FHIT: variants seen among roughly 807,000 people sequenced by gnomAD.
The protein encoded by FHIT is fragile histidine triad diadenosine triphosphatase, also known as bis(5'-adenosyl)-triphosphatase.
In FHIT, 19 loss-of-function variants were observed where a neutral mutation model predicts 17.9. That is an observed-to-expected ratio of 1.06 (90% CI 0.74 to 1.56). FHIT has a LOEUF of 1.56. Ranked by LOEUF, FHIT falls within the 40% of genes most tolerant of loss-of-function variation. FHIT has a pLI of 0.00. For missense variants in FHIT, 248 were observed against 189.2 expected (o/e 1.31, Z -1.82); for synonymous variants, 81 against 69.7 (o/e 1.16, Z -0.81).
Position 60,346,620 on chromosome 3 carries a change from A to G in FHIT, c.103+190240T>C, listed in dbSNP as rs180851584. Among the ~76,000 whole-genome samples the G allele has an allele frequency of 4.1e-3, 624 of 152,268 alleles. 5 individuals are homozygous for G. The highest frequency in any genetic ancestry group is 5.9e-3 in the Non-Finnish European group (398 of 68,030). The stretch of plus-strand genomic sequence containing the variant: ...TTTTCCTTTTCGCCAAATAAATTCC[A>G]TTCCCCTCATCCTTCAAACTGTCTC... On this transcript the variant is annotated intron_variant, in intron 5 of 9. Transcript: ENST00000492590.
intron 5 of FHIT, among the ~76,000 whole-genome samples, chr3:60,348,252 G>A (rs1461517534): frequency 6.6e-6 from 1 of 152,130 alleles, no homozygotes; most frequent in Non-Finnish European, 1.5e-5. Flanking sequence ...GCAAAGGAGA[G>A]TTTTTAGATT....
At chr3:60,590,963 G>A (rs888227279) in intron 4 of FHIT, among the ~76,000 whole-genome samples, 2 of 152,008 alleles carry the variant, frequency 1.3e-5, no homozygotes, top group Non-Finnish European at 2.9e-5. Context: ...GGGGAAAAAT[G>A]GACAGAATTA....
chr3:60,808,626 G>A (rs1468438203), intron 4 of FHIT, among the ~76,000 whole-genome samples: 4 of 152,328 alleles, frequency 2.6e-5, no homozygotes, highest in African/African-American at 2.4e-5. Context: ...GAGCAGAGGA[G>A]GTTTCCTTTA....
At chr3:60,580,445 C>CTT (rs1559555733) in intron 4 of FHIT, among the ~76,000 whole-genome samples, 1 of 152,088 alleles carries the variant, frequency 6.6e-6, no homozygotes, top group African/African-American at 2.4e-5. Flanking sequence ...TACTACTAGA[C>CTT]TTTGAGTTTT....
At chr3:60,120,856 C>T (rs34593763) in intron 5 of FHIT, among the ~76,000 whole-genome samples, 39,186 of 140,958 alleles carry the variant, frequency 0.28, 5,755 homozygotes, top group Non-Finnish European at 0.34. Context: ...TTTTTTTTTT[C>T]CACCATTTGC....
chr3:60,719,739 C>T (rs1274171406), intron 4 of FHIT, among the ~76,000 whole-genome samples: 1 of 152,174 alleles, frequency 6.6e-6, no homozygotes, highest in East Asian at 1.9e-4. Context: ...CTTTGACCAG[C>T]TCCTCTGCAA....
intron 5 of FHIT, among the ~76,000 whole-genome samples, chr3:60,462,432 C>A (rs1359515490): frequency 6.6e-6 from 1 of 152,132 alleles, no homozygotes; most frequent in Non-Finnish European, 1.5e-5. Context: ...ACTGTAAGAA[C>A]CCAAATGTCA....
intron 5 of FHIT, among the ~76,000 whole-genome samples, chr3:60,467,513 C>T (rs577290129): frequency 2.0e-5 from 3 of 151,846 alleles, no homozygotes; most frequent in Non-Finnish European, 4.4e-5. Context: ...GGTTTTGATA[C>T]ATTGCGTTTC....
intron 7 of FHIT, among the ~76,000 whole-genome samples, chr3:59,987,382 G>C (rs1709033787): frequency 6.6e-6 from 1 of 151,584 alleles, no homozygotes; most frequent in South Asian, 2.1e-4. Context: ...GTGTCTCATG[G>C]GACAAAAGCA....
intron 3 of FHIT, among the ~76,000 whole-genome samples, chr3:60,867,241 C>A (rs1291297464): frequency 6.6e-6 from 1 of 152,184 alleles, no homozygotes; most frequent in African/African-American, 2.4e-5. Context: ...ATTTGTTACA[C>A]ACTAACTGAA....
chr3:60,031,394 T>A (rs1559564382), intron 5 of FHIT, among the ~76,000 whole-genome samples: 1 of 152,190 alleles, frequency 6.6e-6, no homozygotes, highest in Non-Finnish European at 1.5e-5. Flanking sequence ...AGGCAGTCAT[T>A]CTAGGAAGGA....
chr3:60,583,422 C>A (rs1237481145), intron 4 of FHIT, among the ~76,000 whole-genome samples: 4 of 151,942 alleles, frequency 2.6e-5, no homozygotes, highest in African/African-American at 9.7e-5. Flanking sequence ...GCCCCACGGT[C>A]TTGGCTGCAA....
At chr3:60,735,227 G>GA (rs1310253521) in intron 4 of FHIT, among the ~76,000 whole-genome samples, 8 of 152,278 alleles carry the variant, frequency 5.3e-5, no homozygotes, top group Middle Eastern at 3.4e-3. Flanking sequence ...AAGGCCCAAG[G>GA]AAAAAACTGC....
chr3:60,896,716 G>A (rs1335193444), intron 3 of FHIT, among the ~76,000 whole-genome samples: 1 of 152,126 alleles, frequency 6.6e-6, no homozygotes, highest in East Asian at 1.9e-4. Flanking sequence ...ACTTGAATCA[G>A]TATTTTTTTC....
Position 61,102,088 on chromosome 3 carries a change from T to C in FHIT, c.-163-59989A>G, listed in dbSNP as rs577244622. 2.0e-5 allele frequency among the ~76,000 whole-genome samples: 3 copies of C among 152,338 alleles called. 1 individual carries two copies. Among genetic ancestry groups the C allele is most frequent in the Admixed American group, 6.5e-5 (1 of 15,306 alleles). On this transcript the variant is annotated intron_variant, in intron 2 of 9. Transcript: ENST00000492590. The stretch of plus-strand genomic sequence containing the variant: ...TTGCCCTGGCCAGAACTTCCAACAC[T>C]ATATTGAATAGGAGTGGTGAGAGAG...
intron 3 of FHIT, among the ~76,000 whole-genome samples, chr3:60,858,761 G>C (rs1241277750): frequency 1.3e-5 from 2 of 152,168 alleles, no homozygotes; most frequent in Non-Finnish European, 2.9e-5. Flanking sequence ...CCAGTTTCTT[G>C]AAAGTCTGTG....
At chr3:60,100,992 T>C (rs527756092) in intron 5 of FHIT, among the ~76,000 whole-genome samples, 70 of 152,314 alleles carry the variant, frequency 4.6e-4, no homozygotes, top group African/African-American at 1.6e-3. Flanking sequence ...TCTTGTTGAC[T>C]CTATTTCTGA....
chr3:60,676,823 T>A (rs1391739019), intron 4 of FHIT, among the ~76,000 whole-genome samples: 2 of 152,156 alleles, frequency 1.3e-5, no homozygotes, highest in African/African-American at 2.4e-5. Context: ...TCATTTTTTT[T>A]AATTACTGTT....
At chr3:60,765,892 C>T (rs1553721308) in intron 4 of FHIT, among the ~76,000 whole-genome samples, 1 of 152,170 alleles carries the variant, frequency 6.6e-6, no homozygotes, top group African/African-American at 2.4e-5. Flanking sequence ...CTGGATGCCT[C>T]CTCCCATCCC....
Sources: allele counts gnomAD v4.1 joint callset (sites outside exome capture counted in the v4.1 genomes callset), GRCh38; gene constraint gnomAD v4.1.1; transcripts MANE v1.5; gene names NCBI Gene and HGNC (gene_info 2026-07-23, HGNC 2026-07-21).